Variants in PKNOX2 observed in about 807,000 individuals in gnomAD.
PKNOX2 encodes the protein homeobox protein PKNOX2.
Under a neutral mutation model 53.1 loss-of-function variants are expected in PKNOX2, and 14 were observed. The ratio of observed to expected loss-of-function variants is 0.26; its 90% confidence interval spans 0.17 to 0.41. The LOEUF (loss-of-function observed/expected upper bound fraction) is 0.41, where lower values mean the gene tolerates loss of function less well. PKNOX2 is among the 10% of genes least tolerant of loss of function. The pLI is 1.00. For missense variants in PKNOX2, 496 were observed against 602.8 expected, an observed-to-expected ratio of 0.82 and a Z score of 1.85; for synonymous variants, 257 against 242.8, an observed-to-expected ratio of 1.06 and a Z score of -0.54.
rs377317542 is a variant in PKNOX2 at position 125,205,230 on chromosome 11, A to G, written c.-200-29815A>G. Among the ~76,000 whole-genome samples the G allele has an allele frequency of 1.7e-3, 260 of 152,282 alleles. 1 individual carries two copies. Among genetic ancestry groups the G allele is most frequent in the African/African-American group, 6.1e-3 (252 of 41,542 alleles). ...TGTCTATTTTGCTTATGTGTGTGGT[A>G]CATAGTGGGGCTGGACATTCTTTTT... On this transcript the variant is annotated intron_variant, in intron 1 of 12. Coordinates refer to ENST00000298282, the MANE Select transcript of PKNOX2 (RefSeq NM_001382323.2).
At chr11:125,304,434 C>T (rs192375350) in intron 2 of PKNOX2, among the ~76,000 whole-genome samples, 1 of 152,178 alleles carries the variant, frequency 6.6e-6, no homozygotes, top group Admixed American at 6.5e-5. Context: ...CAGGAGCCAG[C>T]GTGTGGCAGC....
chr11:125,250,946 C>G (rs530164861), intron 2 of PKNOX2, among the ~76,000 whole-genome samples: 1 of 152,352 alleles, frequency 6.6e-6, no homozygotes, highest in South Asian at 2.1e-4. Context: ...TGGGGGACCC[C>G]TGGCCGTGCC....
intron 2 of PKNOX2, chr11:125,277,416 G>A (rs748156153): frequency 6.6e-6 from 1 of 152,178 alleles, no homozygotes; most frequent in African/African-American, 2.4e-5. Context: ...TGAATGAGGG[G>A]GAATGTCCAG....
chr11:125,309,356 A>G (rs1948666282), intron 2 of PKNOX2, among the ~76,000 whole-genome samples: 2 of 147,684 alleles, frequency 1.4e-5, no homozygotes, highest in Non-Finnish European at 3.0e-5. Context: ...TCCCTCACCC[A>G]TACAGTTTGC....
chr11:125,394,543 C>T (rs1394622948), intron 6 of PKNOX2, among the ~76,000 whole-genome samples: 1 of 152,244 alleles, frequency 6.6e-6, no homozygotes, highest in Non-Finnish European at 1.5e-5. Flanking sequence ...GTGGGCTCCC[C>T]ACTTGAAATG....
intron 1 of PKNOX2, among the ~76,000 whole-genome samples, chr11:125,221,371 C>T (rs1941134607): frequency 6.6e-6 from 1 of 152,102 alleles, no homozygotes; most frequent in South Asian, 2.1e-4. Flanking sequence ...AAGTGTGTGG[C>T]ATCCATGTGA....
intron 10 of PKNOX2, 139 bp from the exon 11 acceptor site, chr11:125,428,873 C>A: frequency 1.3e-6 from 1 of 788,548 alleles, no homozygotes; most frequent in Non-Finnish European, 2.1e-6. Flanking sequence ...GGGGAGCAAA[C>A]ATGACACTTC....
rs566509567 is a variant in PKNOX2, at chr11:125,344,679, G to A, written c.-22-6605G>A. Among the ~76,000 whole-genome samples, 3 of 152,274 alleles carry A rather than the reference G, an allele frequency of 2.0e-5. No homozygotes were observed. In the South Asian group the frequency reaches 6.2e-4, roughly 32 times the overall value. On this transcript the variant is annotated intron_variant, in intron 3 of 12. Coordinates refer to ENST00000298282, the MANE Select transcript of PKNOX2 (RefSeq NM_001382323.2). ...CAATTAGTATGGAGAGCTATGGGTG[G>A]CCAAAGCGTCTGCTTGTCTTGGTTG...
intron 1 of PKNOX2, among the ~76,000 whole-genome samples, chr11:125,202,549 C>T (rs1938570741): frequency 6.6e-6 from 1 of 152,198 alleles, no homozygotes; most frequent in South Asian, 2.1e-4. Context: ...TCCAGGCACA[C>T]AGAAGGGCTG....
intron 3 of PKNOX2, among the ~76,000 whole-genome samples, chr11:125,344,454 T>C (rs768802316): frequency 6.6e-6 from 1 of 152,168 alleles, no homozygotes; most frequent in Non-Finnish European, 1.5e-5. Flanking sequence ...ATTCACTCCA[T>C]GTGGCATTTA....
intron 2 of PKNOX2, among the ~76,000 whole-genome samples, chr11:125,291,520 A>T (rs1333392576): frequency 6.6e-6 from 1 of 152,212 alleles, no homozygotes; most frequent in Non-Finnish European, 1.5e-5. Context: ...CTCCAAATTG[A>T]AACATAGAAT....
chr11:125,361,058 C>T (rs1951899434), intron 4 of PKNOX2, among the ~76,000 whole-genome samples: 1 of 152,192 alleles, frequency 6.6e-6, no homozygotes, highest in Non-Finnish European at 1.5e-5. Context: ...CTTTTGTGAC[C>T]TGAGGATTCA....
intron 2 of PKNOX2, among the ~76,000 whole-genome samples, chr11:125,237,327 C>T (rs1942780588): frequency 6.6e-6 from 1 of 152,348 alleles, no homozygotes; most frequent in Non-Finnish European, 1.5e-5. Flanking sequence ...ATTCTCTCAA[C>T]TGGGGCAGTT....
Position 125,224,230 on chromosome 11 carries a change from G to C in PKNOX2, c.-200-10815G>C, listed in dbSNP as rs912770436. Among the ~76,000 whole-genome samples the C allele has an allele frequency of 3.3e-5, 5 of 152,250 alleles. No individual in the cohort carries two copies. The East Asian group carries it at 5.8e-4, about 18-fold the overall frequency. ...CCTCTCCGTGCCTGGGGAGTCGCCC[G>C]GGCCAGCCCATCCAGCCGGTGCCAC... is the stretch of plus-strand genomic sequence containing the variant. On this transcript the variant is annotated intron_variant, in intron 1 of 12. Transcript: ENST00000298282.
At chr11:125,195,041 C>T (rs1957101273) in intron 1 of PKNOX2, among the ~76,000 whole-genome samples, 1 of 152,162 alleles carries the variant, frequency 6.6e-6, no homozygotes, top group Admixed American at 6.5e-5. Context: ...TTAAGGAACC[C>T]ATCCAACATC....
intron 2 of PKNOX2, among the ~76,000 whole-genome samples, chr11:125,281,042 G>A (rs1432805376): frequency 6.6e-6 from 1 of 152,162 alleles, no homozygotes; most frequent in Admixed American, 6.5e-5. Flanking sequence ...TGGAACCAAA[G>A]GTGGATCACA....
At chr11:125,248,314 T>C (rs1047109905) in intron 2 of PKNOX2, among the ~76,000 whole-genome samples, 2 of 152,130 alleles carry the variant, frequency 1.3e-5, no homozygotes, top group African/African-American at 4.8e-5. Flanking sequence ...GAAAAGCAGG[T>C]GTTAAATTCT....
chr11:125,381,061 T>C (rs1285014123), intron 5 of PKNOX2, among the ~76,000 whole-genome samples: 2 of 152,142 alleles, frequency 1.3e-5, no homozygotes, highest in African/African-American at 4.8e-5. Context: ...AAATGGAGCG[T>C]GTCTCTCAGT....
At chr11:125,297,599 C>G (rs2135940306) in intron 2 of PKNOX2, among the ~76,000 whole-genome samples, 1 of 152,248 alleles carries the variant, frequency 6.6e-6, no homozygotes, top group African/African-American at 2.4e-5. Flanking sequence ...ATTGGCTGTT[C>G]CTGGAAGGAT....
Sources: gnomAD v4.1 joint callset for allele counts (sites outside exome capture counted in the v4.1 genomes callset) on GRCh38, gnomAD v4.1.1 for gene constraint, MANE v1.5 for transcripts, NCBI Gene and HGNC (gene_info 2026-07-23, HGNC 2026-07-21) for gene names.